Variants in HNRNPM observed in about 807,000 individuals in gnomAD.
The protein encoded by HNRNPM is heterogeneous nuclear ribonucleoprotein M.
A neutral mutation model predicts 73.1 loss-of-function variants in HNRNPM; 11 were observed. The observed-to-expected ratio is 0.15, with a 90% CI of 0.09 to 0.25. The LOEUF is 0.25. HNRNPM is among the 10% of genes least tolerant of loss of function. HNRNPM has a pLI of 1.00. For synonymous variants in HNRNPM, 407 were observed against 355.2 expected (o/e 1.15, Z -1.64); for missense variants, 789 against 1,067.9 (o/e 0.74, Z 3.64).
intron 13 of HNRNPM, among the ~76,000 whole-genome samples, chr19:8,483,802 G>A (rs1191669660): frequency 6.6e-6 from 1 of 152,206 alleles, no homozygotes; most frequent in Non-Finnish European, 1.5e-5. Context: ...GTCTCGCTCT[G>A]TCTCCCAGGC....
intron 10 of HNRNPM, among the ~76,000 whole-genome samples, chr19:8,472,625 C>G (rs966160905): frequency 7.2e-5 from 11 of 152,222 alleles, no homozygotes; most frequent in African/African-American, 2.7e-4. Flanking sequence ...GTTGCCCAGG[C>G]TGGAGTGCAG....
intron 11 of HNRNPM, among the ~76,000 whole-genome samples, 183 bp from the exon 12 acceptor site, chr19:8,473,984 T>G (rs568203721): frequency 6.6e-6 from 1 of 152,116 alleles, no homozygotes; most frequent in Non-Finnish European, 1.5e-5. Context: ...TCAGACCAGC[T>G]TTTTGAAGAT....
At chr19:8,454,245 C>T (rs777857955) in intron 1 of HNRNPM, among the ~76,000 whole-genome samples, 13 of 152,130 alleles carry the variant, frequency 8.5e-5, no homozygotes, top group Non-Finnish European at 1.9e-4. Context: ...TTTCTACCTC[C>T]CCCTAGGCCC....
intron 1 of HNRNPM, among the ~76,000 whole-genome samples, chr19:8,452,391 TTC>T (rs1370733255): frequency 6.6e-6 from 1 of 151,948 alleles, no homozygotes; most frequent in Non-Finnish European, 1.5e-5. Context: ...GATGTGTAGA[TTC>T]TGTTATGTTT....
chr19:8,478,458 C>T (rs1008885028), intron 12 of HNRNPM, among the ~76,000 whole-genome samples: 2 of 152,038 alleles, frequency 1.3e-5, no homozygotes, highest in Admixed American at 6.6e-5. Flanking sequence ...GGGGATATCT[C>T]GAAGCTTTGG....
intron 12 of HNRNPM, among the ~76,000 whole-genome samples, chr19:8,480,032 C>G (rs1970798997): frequency 6.9e-6 from 1 of 145,616 alleles, no homozygotes; most frequent in Non-Finnish European, 1.5e-5. Context: ...CTCGGCCTCC[C>G]AAAGTGCTGG....
intron 1 of HNRNPM, among the ~76,000 whole-genome samples, chr19:8,447,260 C>CTTTTTTTT: frequency 7.0e-6 from 1 of 142,962 alleles, no homozygotes; most frequent in Non-Finnish European, 1.5e-5. Flanking sequence ...CTGTGGAAAA[C>CTTTTTTTT]TTTTTTTTTT....
At chr19:8,456,409 T>C (rs1480575563) in intron 2 of HNRNPM, among the ~76,000 whole-genome samples, 1 of 152,220 alleles carries the variant, frequency 6.6e-6, no homozygotes, top group East Asian at 1.9e-4. Context: ...AAGAGACTGC[T>C]CAGCCCTGGG....
At chr19:8,463,467 C>T (rs772776101) in intron 3 of HNRNPM, 30 bp from the exon 4 acceptor site, 43 of 1,612,778 alleles carry the variant, frequency 2.7e-5, no homozygotes, top group Admixed American at 5.0e-5. Flanking sequence ...CTTCCTTGCT[C>T]TTCTGACTGG....
rs892798117 is a variant in HNRNPM at position 8,485,959 on chromosome 19, A to G, written c.1531A>G (p.Met511Val). 2.5e-6 allele frequency: 4 copies of G among 1,605,028 alleles called. No homozygotes were observed. The highest frequency in any genetic ancestry group is 1.7e-5 in the Admixed American group (1 of 59,816). Residue 511 changes from methionine (M) to valine (V), a missense_variant, in exon 14 of 16, where the codon ATG (methionine) becomes GTG (valine). Transcript: ENST00000325495. ...CCGTGTGGGCCAGACCATTGAGCGCATGGGCTCTGGCGTGGAGCGCATGGG... is the reference window on the plus strand; with the variant it reads ...CCGTGTGGGCCAGACCATTGAGCGCGTGGGCTCTGGCGTGGAGCGCATGGG... ...IDRVGQTIER[M>V]GSGVERMGPA... is the part of the protein sequence containing the mutation.
intron 12 of HNRNPM, 84 bp downstream of exon 12, chr19:8,474,328 G>T: frequency 5.0e-6 from 4 of 807,486 alleles, no homozygotes; most frequent in South Asian, 2.3e-5. Context: ...CAGACCCACT[G>T]AATAAGTGGT....
At chr19:8,453,711 C>T (rs1968792792) in intron 1 of HNRNPM, among the ~76,000 whole-genome samples, 1 of 152,132 alleles carries the variant, frequency 6.6e-6, no homozygotes, top group Non-Finnish European at 1.5e-5. Context: ...GGCTCAGTTG[C>T]TTAAGAAACT....
At chr19:8,474,273 A>C in intron 12 of HNRNPM, 29 bp downstream of exon 12, 2 of 1,523,016 alleles carry the variant, frequency 1.3e-6, no homozygotes, top group South Asian at 2.5e-5. Context: ...TCCTGCTTTC[A>C]CTCACCCTTT....
chr19:8,462,759 T>A lies in HNRNPM; in HGVS notation c.336+178T>A, dbSNP rs1195138323. On this transcript the variant is annotated intron_variant, in intron 3 of 15. Coordinates refer to ENST00000325495, the MANE Select transcript of HNRNPM (RefSeq NM_005968.5). This position sits in a 1 kb window ranked among gnomAD's most constrained non-coding sequence, Gnocchi z 4.5. ...GGATTTGCAAATGGGAGTCCCGCTTTTCCAAATGGCTGGCCAAAGAGCTTT... is the reference window on the plus strand; with the variant it reads ...GGATTTGCAAATGGGAGTCCCGCTTATCCAAATGGCTGGCCAAAGAGCTTT... Among the ~76,000 whole-genome samples, 1 of 152,216 alleles carries A rather than the reference T, an allele frequency of 6.6e-6. No homozygotes were observed. Among genetic ancestry groups the A allele is most frequent in the Non-Finnish European group, 1.5e-5 (1 of 68,024 alleles).
chr19:8,446,882 C>CT (rs977238548), intron 1 of HNRNPM, among the ~76,000 whole-genome samples: 1 of 152,120 alleles, frequency 6.6e-6, no homozygotes, highest in Admixed American at 6.6e-5. Flanking sequence ...ATTGAAAACT[C>CT]TGGGAAGGAA....
intron 1 of HNRNPM, among the ~76,000 whole-genome samples, chr19:8,448,862 G>C (rs970119840): frequency 1.1e-4 from 16 of 152,192 alleles, no homozygotes; most frequent in African/African-American, 3.9e-4. Flanking sequence ...ATTTAGGGTA[G>C]ATTCCTGAGG....
intron 2 of HNRNPM, 113 bp downstream of exon 2, chr19:8,455,687 T>C: frequency 1.3e-6 from 1 of 762,384 alleles, no homozygotes; most frequent in Admixed American, 2.6e-5. Context: ...AGCATGTTCT[T>C]TCCAGGCTTA....
rs748822679 is a variant in HNRNPM at position 8,473,712 on chromosome 19, A to G, written c.1042+4A>G. ...TTTGGAATAAATAAAATGGGAGGTA[A>G]GAAATTTAAAATGAAGTACAAGCAT... On this transcript the variant is annotated splice_donor_region_variant and intron_variant, in intron 11 of 15. Transcript: ENST00000325495. The G allele has an allele frequency of 6.5e-7, 1 of 1,528,718 alleles. No homozygotes were observed. The highest frequency in any genetic ancestry group is 1.7e-5 in the Admixed American group (1 of 58,708). 94.7% of individuals were successfully genotyped at this position (1,528,718 alleles called of 1,614,324 possible). A position where few individuals can be genotyped will look rare whatever the true frequency, so the allele number is the denominator to read the frequency against.
Position 8,466,288 on chromosome 19 carries a change from T to C in HNRNPM, c.684T>C (p.Gly228=). The change falls in exon 7 of 16, where the codon GGT becomes GGC. Residue 228 remains glycine, a synonymous_variant. Transcript: ENST00000325495. The part of the protein sequence containing the change: ...KKLKEVFSMA[G]VVVRADILED... ...TGAAGGAAGTATTTAGTATGGCTGG[T>C]GTGGTGGTCCGAGCAGACATTCTTG... The C allele has an allele frequency of 1.2e-6, 2 of 1,607,396 alleles. No individual in the cohort carries two copies. Among genetic ancestry groups the C allele is most frequent in the Non-Finnish European group, 1.7e-6 (2 of 1,177,438 alleles).
Sources: gnomAD v4.1 joint callset for allele counts (sites outside exome capture counted in the v4.1 genomes callset) on GRCh38, gnomAD v4.1.1 for gene constraint, Gnocchi (gnomAD v3.1) non-coding constraint, MANE v1.5 for transcripts, NCBI Gene and HGNC (gene_info 2026-07-23, HGNC 2026-07-21) for gene names.